The following LRPPRC variants were observed in gnomAD, a reference collection of about 807,000 sequenced individuals.
LRPPRC encodes leucine rich pentatricopeptide repeat containing.
A neutral mutation model predicts 180.3 loss-of-function variants in LRPPRC; 120 were observed. The ratio of observed to expected loss-of-function variants is 0.67; its 90% CI spans 0.57 to 0.77. The LOEUF (loss-of-function observed/expected upper bound fraction) is 0.77. Among genes scored for constraint, LRPPRC ranks in the 30% least tolerant of loss-of-function variants. The probability of loss-of-function intolerance (pLI) is 0.00; values close to 1 mark genes in which losing one functional copy is unlikely to be tolerated. For synonymous variants in LRPPRC, 723 were observed against 600.0 expected, an observed-to-expected ratio of 1.21 and a Z score of -3.00; for missense variants, 2,012 against 1,657.2, an observed-to-expected ratio of 1.21 and a Z score of -3.72.
rs771561366 is a variant in LRPPRC, at chr2:43,975,429, T to C, written c.738-212A>G. Among the ~76,000 whole-genome samples, 16 of 152,216 alleles carry C rather than the reference T, an allele frequency of 1.1e-4. 1 individual carries two copies. The South Asian group carries it at 1.2e-3, about 12-fold the overall frequency. On this transcript the variant is annotated intron_variant, in intron 6 of 37. Coordinates refer to ENST00000260665, the MANE Select transcript of LRPPRC (RefSeq NM_133259.4). ...ATCCCCCATTAAAAAATAATAATAA[T>C]TACATAGACATTAAATAACATACCC...
At chr2:43,899,674 G>C in intron 32 of LRPPRC, 69 bp from the exon 33 acceptor site, 1 of 1,036,990 alleles carries the variant, frequency 9.6e-7, no homozygotes, top group East Asian at 2.5e-5. Flanking sequence ...TTTAGTCTAA[G>C]AACTTACTTT....
At chr2:43,947,631 T>C (rs937691956) in intron 19 of LRPPRC, 100 bp downstream of exon 19, 2 of 810,462 alleles carry the variant, frequency 2.5e-6, no homozygotes, top group Non-Finnish European at 4.3e-6. Flanking sequence ...TACAAGATGA[T>C]AAAAATGTGA....
Position 43,924,966 on chromosome 2 carries a change from C to G in LRPPRC, c.2896+101G>C. The G allele has an allele frequency of 3.9e-6, 3 of 774,530 alleles. No homozygotes were observed. The Admixed American group carries it at 5.3e-5, about 14-fold the overall frequency. The allele number at this position is 774,530 out of a possible 1,614,324, so 48.0% of individuals were successfully genotyped here. A position where few individuals can be genotyped will look rare whatever the true frequency, so the allele number is the denominator to read the frequency against. The stretch of plus-strand genomic sequence containing the variant: ...TGAGCCTCTGTTGAATGAAAACTGC[C>G]TTCTGACAATCCCTGGAGCTCCCTC... On this transcript the variant is annotated intron_variant, in intron 27 of 37. Transcript: ENST00000260665.
chr2:43,945,311 C>T, intron 22 of LRPPRC, 21 bp downstream of exon 22: 2 of 1,529,368 alleles, frequency 1.3e-6, no homozygotes, highest in Non-Finnish European at 1.8e-6. Flanking sequence ...TCACATATTT[C>T]CTTTATGTGC....
At chr2:43,961,446 C>A (rs192892431) in intron 12 of LRPPRC, among the ~76,000 whole-genome samples, 7 of 152,030 alleles carry the variant, frequency 4.6e-5, no homozygotes, top group Non-Finnish European at 1.0e-4. Flanking sequence ...AAGAGTTGCT[C>A]GATAATATGA....
chr2:43,901,272 G>T, intron 32 of LRPPRC, 48 bp downstream of exon 32: 1 of 1,476,622 alleles, frequency 6.8e-7, no homozygotes. Context: ...CTGAGGCAAT[G>T]CCCATTCTAG....
intron 31 of LRPPRC, chr2:43,902,606 C>CT (rs1670927335): frequency 6.6e-6 from 1 of 152,036 alleles, no homozygotes; most frequent in Non-Finnish European, 1.5e-5. Flanking sequence ...TCTTAAACCA[C>CT]TCATTCTCAA....
chr2:43,959,715 T>C (rs2103658097), intron 13 of LRPPRC, among the ~76,000 whole-genome samples: 1 of 152,106 alleles, frequency 6.6e-6, no homozygotes, highest in East Asian at 1.9e-4. Context: ...AAACTCTGTC[T>C]CTACTAAAAA....
chr2:43,990,485 AATC>A (rs1674726435), intron 1 of LRPPRC, among the ~76,000 whole-genome samples: 1 of 152,218 alleles, frequency 6.6e-6, no homozygotes, highest in South Asian at 2.1e-4. Flanking sequence ...AACGGCTTCC[AATC>A]ATCAACTAAC....
At chr2:43,995,303 C>A (rs1674982678) in intron 1 of LRPPRC, among the ~76,000 whole-genome samples, 1 of 152,184 alleles carries the variant, frequency 6.6e-6, no homozygotes, top group Non-Finnish European at 1.5e-5. Context: ...AATCCAGCGT[C>A]CAGCTTTAAG....
intron 11 of LRPPRC, 63 bp downstream of exon 11, chr2:43,973,544 T>G: frequency 1.0e-6 from 1 of 968,488 alleles, no homozygotes; most frequent in Non-Finnish European, 1.7e-6. Context: ...CAATTAGATG[T>G]GCGTGCAAAC....
At chr2:43,979,451 T>G (rs1477247039) in intron 3 of LRPPRC, among the ~76,000 whole-genome samples, 1 of 152,202 alleles carries the variant, frequency 6.6e-6, no homozygotes, top group East Asian at 1.9e-4. Flanking sequence ...GGTTCCAATT[T>G]CTTACTATTA....
chr2:43,973,708 GC>G lies in LRPPRC; in HGVS notation c.1267del (p.Ala423GlnfsTer4), dbSNP rs1673920358. ...CTTCACAGCCTTCATTAAGGCTTTT[GC>G]CAAATCTGAAAGAGATATCATAAAA... ...CALLANKTDL[A>X]KALMKAVKEE... is the part of the protein sequence containing the mutation. On this transcript the variant is annotated frameshift_variant, in exon 11 of 38. Transcript: ENST00000260665. LOFTEE classifies it high-confidence loss of function. 1 of 1,611,198 alleles carries G rather than the reference GC, an allele frequency of 6.2e-7. No individual in the cohort carries two copies. The highest frequency in any genetic ancestry group is 8.5e-7 in the Non-Finnish European group (1 of 1,177,368).
chr2:43,924,221 GA>G (rs764089234), intron 27 of LRPPRC, among the ~76,000 whole-genome samples: 7 of 152,108 alleles, frequency 4.6e-5, no homozygotes, highest in Non-Finnish European at 8.8e-5. Context: ...AAACATCCAT[GA>G]AACAAATAGG....
In LRPPRC at chr2:43,899,538, G is replaced by A. The variant is rs138236666; in HGVS notation, c.3637C>T (p.Pro1213Ser). 1.2e-6 allele frequency: 2 copies of A among 1,611,776 alleles called. No individual in the cohort carries two copies. Among genetic ancestry groups the A allele is most frequent in the East Asian group, 2.2e-5 (1 of 44,854 alleles). Residue 1213 changes from proline (P) to serine (S), a missense_variant, in exon 33 of 38, where the codon CCC becomes TCC. Pro to Ser is a moderately conservative substitution (Grantham distance 74, BLOSUM62 -1). Transcript: ENST00000260665. ...MLTSENKVIE[P>S]QYFGLAYLFR... ...AAGTATGCCAAGCCGAAGTATTGGG[G>A]TTCAATGACTTTATTCTCTGAAGTA...
chr2:43,982,729 G>A (rs1475451222), intron 1 of LRPPRC, among the ~76,000 whole-genome samples: 1 of 152,170 alleles, frequency 6.6e-6, no homozygotes, highest in Non-Finnish European at 1.5e-5. Flanking sequence ...TGTGTTTTAA[G>A]TGTTTTTTAA....
At chr2:43,991,885 G>A (rs780220222) in intron 1 of LRPPRC, among the ~76,000 whole-genome samples, 12 of 152,214 alleles carry the variant, frequency 7.9e-5, no homozygotes, top group Admixed American at 4.6e-4. Context: ...CACTGCATGG[G>A]TGGGTTAAGC....
Position 43,899,621 on chromosome 2 carries a change from TA to T in LRPPRC, c.3570-17del. On this transcript the variant is annotated splice_polypyrimidine_tract_variant and intron_variant, in intron 32 of 37. Coordinates refer to ENST00000260665, the MANE Select transcript of LRPPRC (RefSeq NM_133259.4). ...TATGTTATTACTGTTAAAAGCAAAA[TA>T]AATTACTTAAAAATTTGCTTTTATG... The T allele has an allele frequency of 1.3e-6, 2 of 1,582,910 alleles. No homozygotes were observed. The highest frequency in any genetic ancestry group is 1.7e-6 in the Non-Finnish European group (2 of 1,153,826).
At chr2:43,931,477 G>A (rs562723456) in intron 25 of LRPPRC, among the ~76,000 whole-genome samples, 3 of 152,296 alleles carry the variant, frequency 2.0e-5, no homozygotes, top group East Asian at 1.9e-4. Flanking sequence ...GCAGAAGAAC[G>A]ATAAAGGGAG....
Sources: allele counts gnomAD v4.1 joint callset (sites outside exome capture counted in the v4.1 genomes callset), GRCh38; gene constraint gnomAD v4.1.1; transcripts MANE v1.5; gene names NCBI Gene and HGNC (gene_info 2026-07-23, HGNC 2026-07-21).